RFX3: variants seen among roughly 807,000 people sequenced by gnomAD.
The protein encoded by RFX3 is transcription factor RFX3.
Under a neutral mutation model 98.6 loss-of-function variants are expected in RFX3, and 14 were observed. That is an observed-to-expected ratio of 0.14 (90% CI 0.09 to 0.22). RFX3 has a LOEUF of 0.22. Ranked by LOEUF, RFX3 falls within the 10% of genes least tolerant of loss-of-function variation. The pLI is 1.00. For missense variants in RFX3, 639 were observed against 926.9 expected (o/e 0.69, Z 4.03); for synonymous variants, 383 against 328.4 (o/e 1.17, Z -1.80).
At chr9:3,245,406 C>T (rs1820529722) in intron 15 of RFX3, among the ~76,000 whole-genome samples, 1 of 152,130 alleles carries the variant, frequency 6.6e-6, no homozygotes, top group African/African-American at 2.4e-5. Context: ...TGATGTTGAT[C>T]AGAGGGGCAG....
intron 4 of RFX3, among the ~76,000 whole-genome samples, chr9:3,314,973 A>T (rs976165075): frequency 1.3e-5 from 2 of 152,192 alleles, no homozygotes; most frequent in African/African-American, 4.8e-5. Flanking sequence ...AACGAGACAG[A>T]AAGTTAACAA....
intron 14 of RFX3, among the ~76,000 whole-genome samples, chr9:3,250,277 T>C (rs1434157686): frequency 6.6e-6 from 1 of 152,062 alleles, no homozygotes; most frequent in Non-Finnish European, 1.5e-5. Context: ...TGCTCCTAAT[T>C]GCATTTATCT....
intron 4 of RFX3, among the ~76,000 whole-genome samples, chr9:3,313,083 C>A (rs1020609939): frequency 3.3e-5 from 5 of 152,198 alleles, no homozygotes; most frequent in African/African-American, 1.2e-4. Context: ...GGGTCCCTGA[C>A]CACCAAGTAG....
chr9:3,240,629 A>C (rs530366817), intron 15 of RFX3, among the ~76,000 whole-genome samples: 1 of 152,164 alleles, frequency 6.6e-6, no homozygotes, highest in African/African-American at 2.4e-5. Flanking sequence ...GAGAATCTCT[A>C]ATTTTTATGA....
intron 3 of RFX3, chr9:3,344,744 G>C (rs964769651): frequency 1.5e-6 from 1 of 652,908 alleles, no homozygotes; most frequent in East Asian, 2.8e-5. Context: ...ACCTCTAGCA[G>C]TGTCTACAAA....
intron 4 of RFX3, among the ~76,000 whole-genome samples, chr9:3,311,733 A>G (rs1489072920): frequency 7.0e-6 from 1 of 143,256 alleles, no homozygotes; most frequent in Non-Finnish European, 1.5e-5. Context: ...AAAAATATAA[A>G]AAATTAGCTG....
At chr9:3,342,593 C>A (rs780025843) in intron 3 of RFX3, among the ~76,000 whole-genome samples, 1 of 151,806 alleles carries the variant, frequency 6.6e-6, no homozygotes, top group African/African-American at 2.4e-5. Context: ...GTTTCCACTT[C>A]GACTAGCATG....
rs557084784 is a variant in RFX3 at position 3,235,045 on chromosome 9, C to T, written c.1969-6156G>A. On this transcript the variant is annotated intron_variant, in intron 15 of 16. Coordinates refer to ENST00000617270, the MANE Select transcript of RFX3 (RefSeq NM_001282116.2). ...GCATATACAGGCAAAGAGAGACAGA[C>T]CAAAGCTGGTGTTTAATTGTACGCA... is the stretch of plus-strand genomic sequence containing the variant. 2.6e-5 allele frequency among the ~76,000 whole-genome samples: 4 copies of T among 152,318 alleles called. No individual in the cohort carries two copies. The South Asian group carries it at 8.3e-4, about 32-fold the overall frequency.
chr9:3,238,817 G>T (rs892620001), intron 15 of RFX3, among the ~76,000 whole-genome samples: 1 of 151,914 alleles, frequency 6.6e-6, no homozygotes, highest in East Asian at 1.9e-4. Context: ...GAGAAACCCC[G>T]TCTCTACTAA....
intron 2 of RFX3, among the ~76,000 whole-genome samples, chr9:3,366,698 C>CTTTCT (rs1173737516): frequency 4.9e-5 from 3 of 61,746 alleles, no homozygotes; most frequent in Non-Finnish European, 1.0e-4. Flanking sequence ...TCTTTCCTTT[C>CTTTCT]TTTCTTTCTT....
intron 13 of RFX3, among the ~76,000 whole-genome samples, chr9:3,259,518 T>A (rs117915773): frequency 0.01 from 1,247 of 120,564 alleles, 8 homozygotes; most frequent in Admixed American, 0.019. Context: ...AAAAAAAAAA[T>A]ATCCAAAATG....
intron 1 of RFX3, among the ~76,000 whole-genome samples, chr9:3,402,236 C>G (rs372808477): frequency 8.5e-5 from 13 of 152,232 alleles, no homozygotes; most frequent in African/African-American, 3.1e-4. Flanking sequence ...CTCCTAAAGA[C>G]CAAAGTCTGC....
intron 1 of RFX3, among the ~76,000 whole-genome samples, chr9:3,451,481 C>T (rs754085784): frequency 6.6e-6 from 1 of 152,086 alleles, no homozygotes; most frequent in Non-Finnish European, 1.5e-5. Context: ...GAGGTCGAGG[C>T]GGCAGTGAGC....
At chr9:3,460,481 C>T (rs962409823) in intron 1 of RFX3, among the ~76,000 whole-genome samples, 1 of 151,798 alleles carries the variant, frequency 6.6e-6, no homozygotes, top group East Asian at 1.9e-4. Flanking sequence ...CCCTATTTTC[C>T]CAGTTTTCCT....
intron 1 of RFX3, among the ~76,000 whole-genome samples, chr9:3,519,203 G>C (rs1381237844): frequency 1.3e-5 from 2 of 152,054 alleles, no homozygotes; most frequent in East Asian, 3.9e-4. Context: ...CTAGTAAAAG[G>C]AGCCCATTAT....
intron 1 of RFX3, among the ~76,000 whole-genome samples, chr9:3,475,447 G>A (rs1446635259): frequency 1.3e-5 from 2 of 151,960 alleles, no homozygotes; most frequent in African/African-American, 4.8e-5. Flanking sequence ...TCCAATGATT[G>A]ACAAGGTCAC....
intron 1 of RFX3, among the ~76,000 whole-genome samples, chr9:3,515,867 A>T (rs527772215): frequency 2.3e-3 from 347 of 152,270 alleles, no homozygotes; most frequent in Non-Finnish European, 4.0e-3. Flanking sequence ...TCAAAAATAA[A>T]TTTTTTAAAT....
chr9:3,361,791 T>A (rs923690725), intron 2 of RFX3, among the ~76,000 whole-genome samples: 5 of 146,526 alleles, frequency 3.4e-5, no homozygotes, highest in African/African-American at 1.3e-4. Context: ...CTACAAAAAA[T>A]AAAAAATTAG....
intron 1 of RFX3, among the ~76,000 whole-genome samples, chr9:3,522,855 A>G (rs184744724): frequency 5.3e-5 from 8 of 152,336 alleles, no homozygotes; most frequent in African/African-American, 1.9e-4. Context: ...TGGTAAAAAA[A>G]TTAACCATAA....
Sources: allele counts gnomAD v4.1 joint callset (sites outside exome capture counted in the v4.1 genomes callset), GRCh38; gene constraint gnomAD v4.1.1; transcripts MANE v1.5; gene names NCBI Gene and HGNC (gene_info 2026-07-23, HGNC 2026-07-21).